The following THSD7A variants were observed in gnomAD, a reference collection of about 807,000 sequenced individuals.
The protein encoded by THSD7A is thrombospondin type 1 domain containing 7A.
A neutral mutation model predicts 231.3 loss-of-function variants in THSD7A; 96 were observed. That is an observed-to-expected ratio of 0.41 (90% CI 0.35 to 0.49). The LOEUF is 0.49. Ranked by LOEUF, THSD7A falls within the 20% of genes least tolerant of loss-of-function variation. THSD7A has a pLI of 0.05. For synonymous variants in THSD7A, 940 were observed against 743.3 expected (o/e 1.26, Z -4.30); for missense variants, 2,290 against 2,070.2 (o/e 1.11, Z -2.06).
intron 3 of THSD7A, among the ~76,000 whole-genome samples, chr7:11,592,928 C>G (rs1780221459): frequency 6.6e-6 from 1 of 152,034 alleles, no homozygotes; most frequent in Non-Finnish European, 1.5e-5. Context: ...TTACCTCTAG[C>G]TCCAACAGCA....
intron 1 of THSD7A, among the ~76,000 whole-genome samples, chr7:11,802,943 G>C (rs965313397): frequency 1.3e-5 from 2 of 152,126 alleles, no homozygotes; most frequent in African/African-American, 4.8e-5. Context: ...AAAGAATATA[G>C]ATACTAGTCA....
intron 1 of THSD7A, among the ~76,000 whole-genome samples, chr7:11,821,714 A>T (rs554408206): frequency 2.5e-4 from 38 of 151,560 alleles, no homozygotes; most frequent in African/African-American, 8.5e-4. Flanking sequence ...GTGACTTGGA[A>T]CCTCCTACAA....
intron 1 of THSD7A, among the ~76,000 whole-genome samples, chr7:11,731,546 G>T (rs1038494864): frequency 6.6e-6 from 1 of 151,582 alleles, no homozygotes. Flanking sequence ...TTCAAAAATT[G>T]ATCTTATTTC....
At chr7:11,820,344 C>CTCTGTTCTGTAAATTG in intron 1 of THSD7A, 1 of 1,003,044 alleles carries the variant, frequency 1.0e-6, no homozygotes, top group Non-Finnish European at 1.4e-6. Flanking sequence ...GTAAATTGTC[C>CTCTGTTCTGTAAATTG]TTCTCTTCTC....
rs774054898 is a variant in THSD7A, at chr7:11,820,355, T to C, written c.190+11402A>G. 13 of 1,105,970 alleles carry C rather than the reference T, an allele frequency of 1.2e-5. No homozygotes were observed. In the Admixed American group the frequency reaches 3.3e-4, roughly 28 times the overall value. 68.5% of individuals were successfully genotyped at this position (1,105,970 alleles called of 1,614,324 possible). On this transcript the variant is annotated intron_variant, in intron 1 of 27. Coordinates refer to ENST00000423059, the MANE Select transcript of THSD7A (RefSeq NM_015204.3). The stretch of plus-strand genomic sequence containing the variant: ...GGCTGTAAATTGTCCTTCTCTTCTC[T>C]GTTCTCTGTCCCACTCTTGTCGTCT...
intron 19 of THSD7A, among the ~76,000 whole-genome samples, chr7:11,409,123 C>G (rs1783689399): frequency 6.6e-6 from 1 of 152,074 alleles, no homozygotes; most frequent in African/African-American, 2.4e-5. Flanking sequence ...AAAAAGAAAT[C>G]TATTCAAAAA....
chr7:11,580,534 C>A (rs897973527), intron 4 of THSD7A, among the ~76,000 whole-genome samples: 9 of 151,954 alleles, frequency 5.9e-5, no homozygotes, highest in Non-Finnish European at 1.0e-4. Context: ...AAAAAATCAC[C>A]AGAAAATACT....
At chr7:11,492,064 C>T (rs1311380548) in intron 6 of THSD7A, among the ~76,000 whole-genome samples, 1 of 152,006 alleles carries the variant, frequency 6.6e-6, no homozygotes, top group Non-Finnish European at 1.5e-5. Context: ...TGTGGTTCTC[C>T]TGATCAAGCA....
chr7:11,600,467 T>C (rs2526108), intron 2 of THSD7A, among the ~76,000 whole-genome samples: 68,121 of 151,964 alleles, frequency 0.45, 16,321 homozygotes, highest in African/African-American at 0.61. Context: ...ACTTGTACTT[T>C]AATTAAAGGG....
At chr7:11,657,798 A>C (rs1782763998) in intron 1 of THSD7A, among the ~76,000 whole-genome samples, 1 of 151,830 alleles carries the variant, frequency 6.6e-6, no homozygotes, top group African/African-American at 2.4e-5. Context: ...AAGCATATTT[A>C]AGATATAATT....
intron 11 of THSD7A, among the ~76,000 whole-genome samples, chr7:11,453,434 T>C (rs1242663522): frequency 2.6e-5 from 4 of 151,918 alleles, no homozygotes; most frequent in South Asian, 2.1e-4. Context: ...AGGTATATTA[T>C]TGAAGTATTT....
At chr7:11,522,694 G>C (rs79578079) in intron 6 of THSD7A, among the ~76,000 whole-genome samples, 6,908 of 152,184 alleles carry the variant, frequency 0.045, 191 homozygotes, top group South Asian at 0.074. Context: ...CAAGGCCGTG[G>C]AAATAGTGAT....
chr7:11,826,322 T>A (rs1315339035), intron 1 of THSD7A, among the ~76,000 whole-genome samples: 1 of 152,208 alleles, frequency 6.6e-6, no homozygotes, highest in Non-Finnish European at 1.5e-5. Context: ...AATTTCATCA[T>A]TATAAAAATA....
chr7:11,659,583 G>C (rs1351446937), intron 1 of THSD7A, among the ~76,000 whole-genome samples: 1 of 151,300 alleles, frequency 6.6e-6, no homozygotes, highest in Non-Finnish European at 1.5e-5. Context: ...AGCACTTAGT[G>C]TGTTGCAATT....
intron 2 of THSD7A, among the ~76,000 whole-genome samples, chr7:11,618,763 C>A (rs1781204329): frequency 6.6e-6 from 1 of 150,424 alleles, no homozygotes; most frequent in East Asian, 1.9e-4. Flanking sequence ...TGCACAGGAG[C>A]CTGGGAGACA....
At chr7:11,401,006 G>A (rs1783383521) in intron 23 of THSD7A, among the ~76,000 whole-genome samples, 1 of 152,024 alleles carries the variant, frequency 6.6e-6, no homozygotes, top group African/African-American at 2.4e-5. Flanking sequence ...GATTCTATGT[G>A]TGTATACGTT....
chr7:11,460,410 G>A (rs969330883), intron 11 of THSD7A, among the ~76,000 whole-genome samples: 2 of 152,128 alleles, frequency 1.3e-5, no homozygotes, highest in Admixed American at 6.6e-5. Context: ...TGTCATAAGT[G>A]AAAGCTTGGC....
At chr7:11,424,643 A>G in intron 16 of THSD7A, 53 bp downstream of exon 16, 1 of 1,606,714 alleles carries the variant, frequency 6.2e-7, no homozygotes, top group Non-Finnish European at 8.5e-7. Flanking sequence ...CACATGTGCA[A>G]TTGGGAGATA....
At chr7:11,451,343 A>T (rs1785137334) in intron 11 of THSD7A, among the ~76,000 whole-genome samples, 1 of 152,036 alleles carries the variant, frequency 6.6e-6, no homozygotes, top group Non-Finnish European at 1.5e-5. Flanking sequence ...AGAATTGCTA[A>T]TTATAATGCT....
Sources: allele counts gnomAD v4.1 joint callset (sites outside exome capture counted in the v4.1 genomes callset), GRCh38; gene constraint gnomAD v4.1.1; transcripts MANE v1.5; gene names NCBI Gene and HGNC (gene_info 2026-07-23, HGNC 2026-07-21).